The following PARD3B variants were observed in gnomAD, a reference collection of about 807,000 sequenced individuals.
PARD3B encodes the protein par-3 family cell polarity regulator beta.
In PARD3B, 103 loss-of-function variants were observed where a neutral mutation model predicts 130.2. That is an observed-to-expected ratio of 0.79 (90% CI 0.67 to 0.93). The LOEUF (loss-of-function observed/expected upper bound fraction) is 0.93, where lower values mean the gene tolerates loss of function less well. Among genes scored for constraint, PARD3B ranks in the 40% least tolerant of loss-of-function variants. PARD3B has a pLI of 0.00. For synonymous variants in PARD3B, 583 were observed against 553.2 expected (o/e 1.05, Z -0.76); for missense variants, 1,609 against 1,499.2 (o/e 1.07, Z -1.21).
intron 1 of PARD3B, among the ~76,000 whole-genome samples, chr2:204,568,576 A>G (rs893658716): frequency 3.3e-4 from 50 of 152,354 alleles, no homozygotes; most frequent in African/African-American, 1.2e-3. Context: ...TGAAGCAGCA[A>G]TTACAACACT....
intron 16 of PARD3B, among the ~76,000 whole-genome samples, chr2:205,299,728 A>G (rs910340704): frequency 1.3e-5 from 2 of 152,156 alleles, no homozygotes; most frequent in Non-Finnish European, 2.9e-5. Context: ...AAAACATTAT[A>G]TACCAGAAAA....
rs76537167 is a variant in PARD3B, at chr2:204,563,221, C to G, written c.120+17102C>G. 6.9e-3 allele frequency among the ~76,000 whole-genome samples: 576 copies of G among 83,128 alleles called. 4 individuals carry two copies. Among genetic ancestry groups the G allele is most frequent in the African/African-American group, 0.036 (544 of 15,082 alleles). 54.5% of individuals were successfully genotyped at this position (83,128 alleles called of 152,430 possible). ...TTTACATGCCGTCTTCCCGCTGTCT[C>G]TCTCTCTCTCTCTCTCTCTCTCTCT... On this transcript the variant is annotated intron_variant, in intron 1 of 22. Transcript: ENST00000406610.
chr2:205,323,983 G>A (rs766249007), intron 18 of PARD3B, among the ~76,000 whole-genome samples: 12 of 152,076 alleles, frequency 7.9e-5, no homozygotes, highest in Non-Finnish European at 1.0e-4. Flanking sequence ...CCAGGATATC[G>A]TCAATGCTGA....
intron 11 of PARD3B, among the ~76,000 whole-genome samples, chr2:205,162,934 G>A (rs1247196110): frequency 6.6e-6 from 1 of 152,034 alleles, no homozygotes; most frequent in Admixed American, 6.6e-5. Flanking sequence ...TGCTTTTCAT[G>A]TACCATATTA....
intron 21 of PARD3B, among the ~76,000 whole-genome samples, chr2:205,541,904 G>A (rs1279668845): frequency 6.6e-6 from 1 of 151,780 alleles, no homozygotes; most frequent in Non-Finnish European, 1.5e-5. Flanking sequence ...AGCACTTTGG[G>A]AGGCCGAGGT....
In PARD3B at chr2:205,539,699, C is replaced by G. The variant is rs2052036528; in HGVS notation, c.3181-13625C>G. Among the ~76,000 whole-genome samples the G allele has an allele frequency of 2.0e-5, 3 of 152,184 alleles. No homozygotes were observed. The South Asian group carries it at 6.2e-4, about 32-fold the overall frequency. ...TCCTCAGTAGTTTAGATATCCGGTTCTGAAGCTTTGATCAGATCACTGAAC... is the reference window on the plus strand; with the variant it reads ...TCCTCAGTAGTTTAGATATCCGGTTGTGAAGCTTTGATCAGATCACTGAAC... On this transcript the variant is annotated intron_variant, in intron 21 of 22. Coordinates refer to ENST00000406610, the MANE Select transcript of PARD3B (RefSeq NM_001302769.2).
intron 2 of PARD3B, among the ~76,000 whole-genome samples, chr2:204,904,921 G>T (rs1383546418): frequency 6.6e-6 from 1 of 152,184 alleles, no homozygotes; most frequent in African/African-American, 2.4e-5. Context: ...TAGAATGTAG[G>T]TGTGTTACTG....
intron 2 of PARD3B, among the ~76,000 whole-genome samples, chr2:204,856,899 C>T (rs1302895568): frequency 6.6e-6 from 1 of 151,962 alleles, no homozygotes; most frequent in East Asian, 1.9e-4. Flanking sequence ...TGTTTTATGC[C>T]ATCCAGTACC....
intron 21 of PARD3B, among the ~76,000 whole-genome samples, chr2:205,531,329 T>C (rs1179446426): frequency 6.6e-6 from 1 of 152,026 alleles, no homozygotes; most frequent in African/African-American, 2.4e-5. Flanking sequence ...GGAAATGATC[T>C]TATTGAGCTG....
intron 3 of PARD3B, among the ~76,000 whole-genome samples, chr2:204,995,273 C>T (rs1050356368): frequency 6.6e-6 from 1 of 151,750 alleles, no homozygotes; most frequent in African/African-American, 2.4e-5. Flanking sequence ...TAGGGCAGGC[C>T]TTGTGGTGAC....
At chr2:205,331,715 G>A (rs1193042939) in intron 18 of PARD3B, among the ~76,000 whole-genome samples, 6 of 145,440 alleles carry the variant, frequency 4.1e-5, no homozygotes, top group Non-Finnish European at 7.5e-5. Context: ...CCCAGGCAGC[G>A]GAGGTTGCGG....
intron 22 of PARD3B, among the ~76,000 whole-genome samples, chr2:205,598,476 C>A (rs1575453045): frequency 6.6e-6 from 1 of 152,048 alleles, no homozygotes; most frequent in African/African-American, 2.4e-5. Context: ...AAAATAAATT[C>A]TTAGAGACCT....
intron 21 of PARD3B, among the ~76,000 whole-genome samples, chr2:205,541,637 C>T (rs187636392): frequency 9.2e-5 from 14 of 151,952 alleles, no homozygotes; most frequent in Non-Finnish European, 1.6e-4. Flanking sequence ...CGTGAGCCAC[C>T]GTGCCCGGCC....
intron 21 of PARD3B, among the ~76,000 whole-genome samples, chr2:205,552,907 C>T (rs1052564757): frequency 4.6e-5 from 7 of 152,032 alleles, no homozygotes; most frequent in African/African-American, 7.2e-5. Flanking sequence ...GCCATACTAA[C>T]GTTAGCTAGC....
intron 2 of PARD3B, among the ~76,000 whole-genome samples, chr2:204,727,748 A>C (rs572214881): frequency 1.3e-5 from 2 of 152,158 alleles, no homozygotes; most frequent in East Asian, 3.9e-4. Flanking sequence ...CCCAAGTGCA[A>C]TTGAGCTTCA....
intron 19 of PARD3B, among the ~76,000 whole-genome samples, chr2:205,428,902 G>T (rs1273841804): frequency 6.6e-6 from 1 of 152,074 alleles, no homozygotes; most frequent in Non-Finnish European, 1.5e-5. Flanking sequence ...GTGGTCTCTA[G>T]ATATCATTCC....
chr2:204,554,295 C>G (rs978491358), intron 1 of PARD3B, among the ~76,000 whole-genome samples: 1 of 152,092 alleles, frequency 6.6e-6, no homozygotes, highest in Admixed American at 6.6e-5. Flanking sequence ...ACTGCCAGCT[C>G]TATATACGGC....
chr2:205,376,378 C>T (rs1401642190), intron 18 of PARD3B, among the ~76,000 whole-genome samples: 1 of 142,016 alleles, frequency 7.0e-6, no homozygotes, highest in African/African-American at 2.5e-5. Flanking sequence ...ATGGGTTGGA[C>T]GACAGAGGCT....
intron 18 of PARD3B, among the ~76,000 whole-genome samples, chr2:205,308,327 C>G (rs186083943): frequency 6.6e-6 from 1 of 152,220 alleles, no homozygotes; most frequent in East Asian, 1.9e-4. Flanking sequence ...AAACAAGCAG[C>G]CAGGCATGGT....
Sources: gnomAD v4.1 joint callset for allele counts (sites outside exome capture counted in the v4.1 genomes callset) on GRCh38, gnomAD v4.1.1 for gene constraint, MANE v1.5 for transcripts, NCBI Gene and HGNC (gene_info 2026-07-23, HGNC 2026-07-21) for gene names.